Variants in COG5 observed in about 807,000 individuals in gnomAD.
The protein encoded by COG5 is conserved oligomeric Golgi complex subunit 5.
COG5 carries 86 observed loss-of-function variants against 110.4 expected under a neutral mutation model. The ratio of observed to expected loss-of-function variants is 0.78; its 90% CI spans 0.65 to 0.93. COG5 has a LOEUF of 0.93. Among genes scored for constraint, COG5 ranks in the 40% least tolerant of loss-of-function variants. The pLI, the probability that COG5 is intolerant of heterozygous loss-of-function variation, is 0.00. For missense variants in COG5, 1,077 were observed against 987.0 expected, an observed-to-expected ratio of 1.09 and a Z score of -1.22; for synonymous variants, 360 against 334.6, an observed-to-expected ratio of 1.08 and a Z score of -0.83.
chr7:107,498,229 T>C (rs1798403389), intron 6 of COG5, among the ~76,000 whole-genome samples: 1 of 152,184 alleles, frequency 6.6e-6, no homozygotes. Flanking sequence ...TTGGCAATGA[T>C]TTCACAGATG....
intron 1 of COG5, among the ~76,000 whole-genome samples, chr7:107,562,088 T>C (rs1387025054): frequency 1.3e-5 from 2 of 152,224 alleles, no homozygotes; most frequent in African/African-American, 4.8e-5. Context: ...GTTAAATTCA[T>C]AGGTTTGATG....
At chr7:107,232,198 C>G (rs1402995432) in intron 18 of COG5, among the ~76,000 whole-genome samples, 1 of 152,070 alleles carries the variant, frequency 6.6e-6, no homozygotes, top group Non-Finnish European at 1.5e-5. Flanking sequence ...AGGATTCTTG[C>G]CAACAATGCA....
At chr7:107,362,224 A>G in intron 9 of COG5, 84 bp downstream of exon 9, 6 of 1,388,756 alleles carry the variant, frequency 4.3e-6, no homozygotes, top group Non-Finnish European at 6.1e-6. Context: ...CTCATTGATT[A>G]AAAAACCTGC....
At chr7:107,250,849 A>C (rs1802448479) in intron 16 of COG5, among the ~76,000 whole-genome samples, 2 of 152,036 alleles carry the variant, frequency 1.3e-5, no homozygotes, top group African/African-American at 4.8e-5. Flanking sequence ...AGAAGAGAAA[A>C]AATACTAAAA....
chr7:107,456,724 A>C (rs781313898), intron 6 of COG5, among the ~76,000 whole-genome samples: 19 of 152,234 alleles, frequency 1.2e-4, no homozygotes, highest in Non-Finnish European at 2.5e-4. Flanking sequence ...AGACTCAAAA[A>C]GGCCAGGCAA....
In COG5 at chr7:107,278,432, G is replaced by A. The variant is rs545175474; in HGVS notation, c.1575+2868C>T. Among the ~76,000 whole-genome samples, 10 of 151,856 alleles carry A rather than the reference G, an allele frequency of 6.6e-5. No homozygotes were observed. In the East Asian group the frequency reaches 7.7e-4, roughly 12 times the overall value. ...GCTGTCCCTCCCCTACCTCCCACCCGCCAACAGGCCCCGGTGTGTGATGTT... is the reference window on the plus strand; with the variant it reads ...GCTGTCCCTCCCCTACCTCCCACCCACCAACAGGCCCCGGTGTGTGATGTT... On this transcript the variant is annotated intron_variant, in intron 14 of 21. Coordinates refer to ENST00000297135, the MANE Select transcript of COG5 (RefSeq NM_006348.5).
chr7:107,481,955 T>C (rs1444107616), intron 6 of COG5, among the ~76,000 whole-genome samples: 1 of 152,106 alleles, frequency 6.6e-6, no homozygotes. Context: ...ATTAGTGGAA[T>C]TGAAAACAAA....
rs200036717 is a variant in COG5, at chr7:107,342,695, C to CA, written c.1027-18175dup. 5.5e-3 allele frequency among the ~76,000 whole-genome samples: 824 copies of CA among 149,892 alleles called. 8 individuals are homozygous for CA. The highest frequency in any genetic ancestry group is 0.018 in the African/African-American group (745 of 40,884). On this transcript the variant is annotated intron_variant, in intron 10 of 21. Transcript: ENST00000297135. ...TCTGTCTCAAAAACAAAAAACCAAA[C>CA]AAAAAAAAACCCAAAAAACCCACAG...
intron 6 of COG5, among the ~76,000 whole-genome samples, chr7:107,455,289 A>T (rs1310699475): frequency 6.6e-6 from 1 of 152,206 alleles, no homozygotes; most frequent in East Asian, 1.9e-4. Context: ...TTAGGCTTAA[A>T]CGAAAGGACA....
At chr7:107,312,338 G>A (rs1365044418) in intron 11 of COG5, among the ~76,000 whole-genome samples, 1 of 152,196 alleles carries the variant, frequency 6.6e-6, no homozygotes, top group African/African-American at 2.4e-5. Context: ...CTATAGCATG[G>A]AAAGAGGTAG....
At chr7:107,258,142 A>G (rs1199078346) in intron 15 of COG5, 131 bp downstream of exon 15, 5 of 647,942 alleles carry the variant, frequency 7.7e-6, no homozygotes, top group African/African-American at 5.5e-5. Flanking sequence ...TTAACTCCTT[A>G]GTTTATTTTA....
chr7:107,295,085 ATATATATATATATATATTTTT>A (rs1185783456), intron 12 of COG5, among the ~76,000 whole-genome samples: 1 of 68,384 alleles, frequency 1.5e-5, no homozygotes, highest in Non-Finnish European at 2.7e-5. Context: ...ATATATATAT[ATATATATATATATATATTTTT>A]TTTTTTTTTT....
intron 10 of COG5, among the ~76,000 whole-genome samples, chr7:107,349,244 G>A (rs1811911451): frequency 2.6e-5 from 4 of 152,144 alleles, no homozygotes; most frequent in Admixed American, 2.6e-4. Context: ...AGTCAATCAT[G>A]TAATCTATAA....
chr7:107,473,294 T>C (rs1796749413), intron 6 of COG5, among the ~76,000 whole-genome samples: 1 of 151,958 alleles, frequency 6.6e-6, no homozygotes, highest in African/African-American at 2.4e-5. Flanking sequence ...AAATAAATCA[T>C]TTCATAGGAG....
chr7:107,263,568 TAC>T (rs975090161), intron 14 of COG5, among the ~76,000 whole-genome samples: 4 of 151,660 alleles, frequency 2.6e-5, no homozygotes, highest in Admixed American at 6.6e-5. Flanking sequence ...CACACACAAA[TAC>T]ACACACACAC....
intron 8 of COG5, among the ~76,000 whole-genome samples, chr7:107,365,973 A>G (rs763607527): frequency 7.9e-5 from 12 of 152,258 alleles, no homozygotes; most frequent in Admixed American, 3.3e-4. Context: ...TCAATGATGA[A>G]TAATCATCAG....
At chr7:107,217,700 A>C (rs1213592570) in intron 19 of COG5, among the ~76,000 whole-genome samples, 1 of 152,108 alleles carries the variant, frequency 6.6e-6, no homozygotes, top group East Asian at 1.9e-4. Flanking sequence ...ACCCTTTTAT[A>C]ATAAAAACTC....
At chr7:107,393,094 A>G (rs1790742014) in intron 7 of COG5, among the ~76,000 whole-genome samples, 1 of 152,188 alleles carries the variant, frequency 6.6e-6, no homozygotes, top group Non-Finnish European at 1.5e-5. Flanking sequence ...CAATTTTATT[A>G]CAGTTTAGGT....
intron 6 of COG5, among the ~76,000 whole-genome samples, chr7:107,492,048 T>C (rs1798002492): frequency 6.6e-6 from 1 of 152,134 alleles, no homozygotes; most frequent in South Asian, 2.1e-4. Context: ...TCAGTTAATA[T>C]TTTGTATCTG....
Sources: gnomAD v4.1 joint callset for allele counts (sites outside exome capture counted in the v4.1 genomes callset) on GRCh38, gnomAD v4.1.1 for gene constraint, MANE v1.5 for transcripts, NCBI Gene and HGNC (gene_info 2026-07-23, HGNC 2026-07-21) for gene names.